The following KIF26B variants were observed in gnomAD, a reference collection of about 807,000 sequenced individuals.
KIF26B encodes the protein kinesin family member 26B.
Under a neutral mutation model 151.2 loss-of-function variants are expected in KIF26B, and 63 were observed. That is an observed-to-expected ratio of 0.42 (90% CI 0.34 to 0.51). The LOEUF (loss-of-function observed/expected upper bound fraction) is 0.51. Ranked by LOEUF, KIF26B falls within the 20% of genes least tolerant of loss-of-function variation. KIF26B has a pLI of 0.07. For missense variants in KIF26B, 2,813 were observed against 2,913.6 expected (o/e 0.97, Z 0.79); for synonymous variants, 1,357 against 1,262.1 (o/e 1.08, Z -1.59).
rs1303498980 is a variant in KIF26B at position 245,686,874 on chromosome 1, T to C, written c.3891T>C (p.Ser1297=). 6.2e-7 allele frequency: 1 copy of C among 1,613,360 alleles called. No individual in the cohort carries two copies. The highest frequency in any genetic ancestry group is 8.5e-7 in the Non-Finnish European group (1 of 1,179,826). The change falls in exon 12 of 15, where the codon AGT becomes AGC. Residue 1297 remains serine (S), a synonymous_variant. Coordinates refer to ENST00000407071, the MANE Select transcript of KIF26B (RefSeq NM_018012.4). This position sits in a 1 kb window ranked among gnomAD's most constrained non-coding sequence, Gnocchi z 5.6. ...AGSEGEQSCH[S]FIAQTCFGHG... ...GTGAGGGTGAGCAGTCGTGCCACAG[T>C]TTCATAGCCCAGACGTGTTTTGGGC...
rs201335723 is a variant in KIF26B at position 245,698,140 on chromosome 1, C to A, written c.5859C>A (p.Ser1953=). Residue 1953 remains serine, a synonymous_variant, in exon 13 of 15, where the codon TCC becomes TCA. Coordinates refer to ENST00000407071, the MANE Select transcript of KIF26B (RefSeq NM_018012.4). This position sits in a 1 kb window ranked among gnomAD's most constrained non-coding sequence, Gnocchi z 4.0. The part of the protein sequence containing the change: ...SQRRRLIPAL[S]LDTSSPVRKP... ...GACGGAGGCTTATCCCAGCACTATC[C>A]CTGGACACCTCTTCCCCTGTGAGAA... 5.0e-6 allele frequency: 8 copies of A among 1,613,880 alleles called. No homozygotes were observed. The highest frequency in any genetic ancestry group is 1.7e-5 in the Admixed American group (1 of 60,002).
At chr1:245,501,162 TG>T (rs1660612554) in intron 4 of KIF26B, among the ~76,000 whole-genome samples, 1 of 152,296 alleles carries the variant, frequency 6.6e-6, no homozygotes, top group South Asian at 2.1e-4. Context: ...GGCAATCTGG[TG>T]TGAAAAGTTT....
chr1:245,310,189 A>C (rs1158770147), intron 2 of KIF26B, among the ~76,000 whole-genome samples: 1 of 151,322 alleles, frequency 6.6e-6, no homozygotes, highest in Non-Finnish European at 1.5e-5. Context: ...ATATATATAT[A>C]TCCTATTAGT....
In KIF26B at chr1:245,574,096, G is replaced by T. The variant is rs578012297; in HGVS notation, c.1351-28481G>T. 6.6e-5 allele frequency among the ~76,000 whole-genome samples: 10 copies of T among 152,318 alleles called. 1 individual carries two copies. The highest frequency in any genetic ancestry group is 2.4e-4 in the African/African-American group (10 of 41,574). ...AAGATCTGAGAATGAGGACTGACAT[G>T]TTTTGGTTTGGCTGGTGGTTTCAGA... On this transcript the variant is annotated intron_variant, in intron 5 of 14. Coordinates refer to ENST00000407071, the MANE Select transcript of KIF26B (RefSeq NM_018012.4).
At chr1:245,571,986 C>A (rs116749100) in intron 5 of KIF26B, among the ~76,000 whole-genome samples, 1 of 152,178 alleles carries the variant, frequency 6.6e-6, no homozygotes, top group African/African-American at 2.4e-5. Flanking sequence ...ACAAGATGAG[C>A]GTGCTGCTGG....
At chr1:245,368,974 A>G (rs952078241) in intron 3 of KIF26B, among the ~76,000 whole-genome samples, 1 of 151,878 alleles carries the variant, frequency 6.6e-6, no homozygotes, top group African/African-American at 2.4e-5. Flanking sequence ...GTCTCTATTA[A>G]AAAAAATACA....
intron 4 of KIF26B, among the ~76,000 whole-genome samples, chr1:245,447,003 G>C (rs889094523): frequency 1.3e-5 from 2 of 152,140 alleles, no homozygotes. Context: ...ATATAGGTGG[G>C]CCATGGACTC....
intron 4 of KIF26B, among the ~76,000 whole-genome samples, chr1:245,428,486 T>C (rs1043425754): frequency 3.9e-5 from 6 of 152,324 alleles, no homozygotes; most frequent in Non-Finnish European, 8.8e-5. Context: ...ACGTCTACAC[T>C]GTTTTCCCTT....
chr1:245,254,010 C>T (rs1670490915), intron 2 of KIF26B, among the ~76,000 whole-genome samples: 1 of 151,870 alleles, frequency 6.6e-6, no homozygotes, highest in Non-Finnish European at 1.5e-5. Flanking sequence ...TGGGGTTTCA[C>T]CGTGTTAGCC....
At position 245,427,698 on chromosome 1, in the gene KIF26B, T is replaced by G. The variant is rs79004349; in HGVS notation, c.1166+7953T>G. On this transcript the variant is annotated intron_variant, in intron 4 of 14. Coordinates refer to ENST00000407071, the MANE Select transcript of KIF26B (RefSeq NM_018012.4). ...TATTTTTTTTTCCTGTTTCTTGTTT[T>G]GTTTTCACTGAAGCATATTTTGCTT... Among the ~76,000 whole-genome samples the G allele has an allele frequency of 8.5e-4, 130 of 152,306 alleles. 1 individual carries two copies. In the East Asian group the frequency reaches 0.021, roughly 25 times the overall value.
At chr1:245,423,564 G>A (rs1239968780) in intron 4 of KIF26B, among the ~76,000 whole-genome samples, 1 of 151,918 alleles carries the variant, frequency 6.6e-6, no homozygotes, top group Non-Finnish European at 1.5e-5. Flanking sequence ...TGTTTGAGAA[G>A]GTGAGTAGAA....
At chr1:245,214,585 A>T (rs1001441917) in intron 2 of KIF26B, among the ~76,000 whole-genome samples, 2 of 152,042 alleles carry the variant, frequency 1.3e-5, no homozygotes, top group Non-Finnish European at 2.9e-5. Context: ...AAAATGGGAT[A>T]GTACAGGACA....
chr1:245,408,285 A>G (rs905910749), intron 3 of KIF26B, among the ~76,000 whole-genome samples: 1 of 150,680 alleles, frequency 6.6e-6, no homozygotes, highest in Admixed American at 6.6e-5. Context: ...GAGAGAGCCT[A>G]TTGTGCTCAG....
At chr1:245,212,320 GTCTGCGATTTGGAAT>G (rs1418171619) in intron 2 of KIF26B, among the ~76,000 whole-genome samples, 4 of 152,154 alleles carry the variant, frequency 2.6e-5, no homozygotes, top group Admixed American at 6.5e-5. Flanking sequence ...GAAGTGGTGG[GTCTGCGATTTGGAAT>G]TCTGCGTTCC....
chr1:245,554,467 A>G (rs1350546142), intron 5 of KIF26B, among the ~76,000 whole-genome samples: 1 of 152,186 alleles, frequency 6.6e-6, no homozygotes, highest in Non-Finnish European at 1.5e-5. Flanking sequence ...TCTATGTGCT[A>G]GTTACTTTGG....
At chr1:245,689,137 G>C (rs1212666479) in intron 12 of KIF26B, among the ~76,000 whole-genome samples, 3 of 152,232 alleles carry the variant, frequency 2.0e-5, no homozygotes, top group Non-Finnish European at 2.9e-5. Flanking sequence ...CAGCAGGGTG[G>C]AAAGGCGAGG....
chr1:245,530,123 C>T (rs919682456), intron 4 of KIF26B, among the ~76,000 whole-genome samples: 14 of 152,162 alleles, frequency 9.2e-5, no homozygotes, highest in African/African-American at 3.1e-4. Flanking sequence ...ATCAAAACTA[C>T]AATGAGATTA....
intron 9 of KIF26B, among the ~76,000 whole-genome samples, chr1:245,632,719 G>A (rs2043794018): frequency 6.6e-6 from 1 of 152,094 alleles, no homozygotes; most frequent in Non-Finnish European, 1.5e-5. Context: ...ACCAGCCTGG[G>A]CAACATGGTG....
chr1:245,626,813 T>C (rs2043729302), intron 9 of KIF26B, among the ~76,000 whole-genome samples: 1 of 152,262 alleles, frequency 6.6e-6, no homozygotes, highest in Non-Finnish European at 1.5e-5. Context: ...CCTGGACCAA[T>C]GTCCCAAAGC....
Sources: allele counts gnomAD v4.1 joint callset (sites outside exome capture counted in the v4.1 genomes callset), GRCh38; gene constraint gnomAD v4.1.1; non-coding constraint Gnocchi (gnomAD v3.1); transcripts MANE v1.5; gene names NCBI Gene and HGNC (gene_info 2026-07-23, HGNC 2026-07-21).